Variants in NTM observed in about 807,000 individuals in gnomAD.
The protein encoded by NTM is IgLON family member 2.
Under a neutral mutation model 42.1 loss-of-function variants are expected in NTM, and 13 were observed. The ratio of observed to expected loss-of-function variants is 0.31; its 90% CI spans 0.20 to 0.49. The LOEUF (loss-of-function observed/expected upper bound fraction) is 0.49. NTM is among the 20% of genes least tolerant of loss of function. The probability of loss-of-function intolerance (pLI) is 0.99; values close to 1 mark genes in which losing one functional copy is unlikely to be tolerated. For missense variants in NTM, 373 were observed against 452.8 expected (o/e 0.82, Z 1.60); for synonymous variants, 187 against 179.2 (o/e 1.04, Z -0.35).
intron 1 of NTM, among the ~76,000 whole-genome samples, chr11:131,805,578 A>G (rs545691384): frequency 3.4e-4 from 52 of 152,370 alleles, no homozygotes; most frequent in African/African-American, 1.2e-3. Flanking sequence ...CTCATCTTGC[A>G]GGGGCAATAA....
At chr11:132,071,020 T>A (rs1321387312) in intron 2 of NTM, among the ~76,000 whole-genome samples, 1 of 138,632 alleles carries the variant, frequency 7.2e-6, no homozygotes, top group Non-Finnish European at 1.6e-5. Flanking sequence ...CATCACAGGT[T>A]GGTTAACACG....
intron 1 of NTM, among the ~76,000 whole-genome samples, chr11:131,561,776 T>C (rs1389738529): frequency 6.6e-6 from 1 of 152,200 alleles, no homozygotes; most frequent in African/African-American, 2.4e-5. Flanking sequence ...GCCTCATTCC[T>C]TCGGCCTTCA....
chr11:131,684,475 C>T (rs2073532203), intron 1 of NTM, among the ~76,000 whole-genome samples: 1 of 152,248 alleles, frequency 6.6e-6, no homozygotes, highest in African/African-American at 2.4e-5. Context: ...TCCCCTGGTG[C>T]CCTCCCCAGC....
chr11:132,079,287 T>G (rs1351407941), intron 2 of NTM, among the ~76,000 whole-genome samples: 2 of 152,216 alleles, frequency 1.3e-5, no homozygotes, highest in Non-Finnish European at 2.9e-5. Context: ...CTCATAATCC[T>G]TATCAGAATG....
At chr11:132,202,167 A>C (rs2081262086) in intron 3 of NTM, among the ~76,000 whole-genome samples, 1 of 152,158 alleles carries the variant, frequency 6.6e-6, no homozygotes, top group South Asian at 2.1e-4. Context: ...GAGAATCTGC[A>C]GTGTGTCTGA....
chr11:131,495,471 C>G lies in NTM; in HGVS notation c.82+124583C>G, dbSNP rs373412094. Among the ~76,000 whole-genome samples, 341 of 152,360 alleles carry G rather than the reference C, an allele frequency of 2.2e-3. 2 individuals carry two copies. The highest frequency in any genetic ancestry group is 7.6e-3 in the African/African-American group (317 of 41,590). ...ACTGCCTGTGCTGCGGTGGGGCTTG[C>G]TTTTGCCTCTCTGCCCCACTAACTT... is the stretch of plus-strand genomic sequence containing the variant. On this transcript the variant is annotated intron_variant, in intron 1 of 8. Transcript: ENST00000683400.
At chr11:131,926,817 G>A (rs1343644626) in intron 2 of NTM, among the ~76,000 whole-genome samples, 3 of 152,164 alleles carry the variant, frequency 2.0e-5, no homozygotes, top group African/African-American at 4.8e-5. Flanking sequence ...ACATCCAGCC[G>A]CGAGGATCCG....
chr11:131,455,811 T>C (rs956686319), intron 1 of NTM, among the ~76,000 whole-genome samples: 2 of 152,198 alleles, frequency 1.3e-5, no homozygotes, highest in African/African-American at 2.4e-5. Context: ...ACTTGGCACG[T>C]CACCTCTGTT....
At chr11:131,556,339 C>A (rs903981343) in intron 1 of NTM, among the ~76,000 whole-genome samples, 2 of 152,170 alleles carry the variant, frequency 1.3e-5, no homozygotes, top group African/African-American at 2.4e-5. Flanking sequence ...GAAGAACAAT[C>A]TCCTCTATAC....
intron 3 of NTM, among the ~76,000 whole-genome samples, chr11:132,161,041 T>G (rs974660314): frequency 8.5e-5 from 13 of 152,258 alleles, no homozygotes; most frequent in African/African-American, 2.9e-4. Flanking sequence ...GGTTTCAGTT[T>G]TGACAAGAGG....
intron 2 of NTM, among the ~76,000 whole-genome samples, chr11:131,938,300 C>A (rs529272830): frequency 6.6e-6 from 1 of 152,176 alleles, no homozygotes; most frequent in African/African-American, 2.4e-5. Context: ...ACCTGAGCCC[C>A]GGGGGATGGG....
At chr11:131,446,560 A>G (rs1188364677) in intron 1 of NTM, among the ~76,000 whole-genome samples, 1 of 152,144 alleles carries the variant, frequency 6.6e-6, no homozygotes, top group East Asian at 1.9e-4. Context: ...CATCCATCCC[A>G]CCTAGGCGCA....
intron 3 of NTM, among the ~76,000 whole-genome samples, chr11:132,188,275 C>T (rs2078749720): frequency 6.6e-6 from 1 of 152,174 alleles, no homozygotes; most frequent in Admixed American, 6.5e-5. Flanking sequence ...GGAACCCGGA[C>T]TAACCCAAAC....
At chr11:131,841,741 G>A (rs1274679681) in intron 1 of NTM, among the ~76,000 whole-genome samples, 1 of 152,132 alleles carries the variant, frequency 6.6e-6, no homozygotes, top group East Asian at 1.9e-4. Flanking sequence ...TGACTTCCAC[G>A]AGGAAGAGCC....
At chr11:132,085,210 T>C (rs1594503059) in intron 2 of NTM, among the ~76,000 whole-genome samples, 1 of 152,254 alleles carries the variant, frequency 6.6e-6, no homozygotes, top group African/African-American at 2.4e-5. Context: ...TAAAGACACA[T>C]TTTACTGTTC....
chr11:131,624,719 C>T (rs544224200), intron 1 of NTM, among the ~76,000 whole-genome samples: 4 of 152,340 alleles, frequency 2.6e-5, no homozygotes, highest in South Asian at 2.1e-4. Flanking sequence ...TGCCCATCCA[C>T]GCTAATCACG....
chr11:131,784,205 A>G (rs898067890), intron 1 of NTM, among the ~76,000 whole-genome samples: 3 of 152,206 alleles, frequency 2.0e-5, no homozygotes, highest in Admixed American at 2.0e-4. Flanking sequence ...TCAAAATTGT[A>G]CAACCATTTT....
chr11:131,983,775 T>C (rs1479297481), intron 2 of NTM, among the ~76,000 whole-genome samples: 1 of 152,178 alleles, frequency 6.6e-6, no homozygotes, highest in Admixed American at 6.5e-5. Context: ...ATGTTTCTGA[T>C]TGTTGTTGAG....
At chr11:131,968,953 G>C (rs1163840113) in intron 2 of NTM, among the ~76,000 whole-genome samples, 1 of 152,170 alleles carries the variant, frequency 6.6e-6, no homozygotes, top group Non-Finnish European at 1.5e-5. Flanking sequence ...AGTAGGCAAG[G>C]GGATGCTACC....
Sources: allele counts gnomAD v4.1 joint callset (sites outside exome capture counted in the v4.1 genomes callset), GRCh38; gene constraint gnomAD v4.1.1; transcripts MANE v1.5; gene names NCBI Gene and HGNC (gene_info 2026-07-23, HGNC 2026-07-21).